The following RSF1 variants were observed in gnomAD, a reference collection of about 807,000 sequenced individuals.
The protein encoded by RSF1 is remodeling and spacing factor 1, also known as HBV pX-associated protein 8.
A neutral mutation model predicts 145.2 loss-of-function variants in RSF1; 13 were observed. The observed-to-expected ratio is 0.09, with a 90% CI of 0.06 to 0.14. RSF1 has a LOEUF of 0.14. Ranked by LOEUF, RSF1 falls within the 10% of genes least tolerant of loss-of-function variation. The probability of loss-of-function intolerance (pLI) is 1.00; values close to 1 mark genes in which losing one functional copy is unlikely to be tolerated. For missense variants in RSF1, 1,517 were observed against 1,718.2 expected, an observed-to-expected ratio of 0.88 and a Z score of 2.07; for synonymous variants, 577 against 592.6, an observed-to-expected ratio of 0.97 and a Z score of 0.38.
chr11:77,732,104 C>G (rs1961220783), intron 4 of RSF1, among the ~76,000 whole-genome samples: 1 of 152,146 alleles, frequency 6.6e-6, no homozygotes, highest in African/African-American at 2.4e-5. Flanking sequence ...TACAGGGGCG[C>G]AGCTGCCCAA....
intron 4 of RSF1, among the ~76,000 whole-genome samples, chr11:77,732,180 T>G (rs1277607483): frequency 6.6e-6 from 1 of 152,238 alleles, no homozygotes; most frequent in Admixed American, 6.5e-5. Flanking sequence ...GAGATGATTT[T>G]GGGGCTTTAA....
At chr11:77,680,025 A>T (rs1016043043) in intron 11 of RSF1, among the ~76,000 whole-genome samples, 3 of 152,242 alleles carry the variant, frequency 2.0e-5, no homozygotes, top group Non-Finnish European at 4.4e-5. Context: ...CAAGTATTCA[A>T]TAGTCACATA....
chr11:77,743,885 T>C (rs1197224332), intron 3 of RSF1, among the ~76,000 whole-genome samples: 1 of 152,218 alleles, frequency 6.6e-6, no homozygotes, highest in Non-Finnish European at 1.5e-5. Context: ...ATACATATTC[T>C]TTTCACACCT....
In RSF1 at chr11:77,662,174, C is replaced by T. The variant is rs998545792; in HGVS notation, c.*4743G>A. ...AATTTCTACTCATCTATTGTTATGC[C>T]CTCTTATATAACTTATGTATAGGAT... On this transcript the variant is annotated 3_prime_UTR_variant, in exon 16 of 16. Coordinates refer to ENST00000308488, the MANE Select transcript of RSF1 (RefSeq NM_016578.4). 6.6e-6 allele frequency: 1 copy of T among 151,744 alleles called. No individual in the cohort carries two copies. The highest frequency in any genetic ancestry group is 6.6e-5 in the Admixed American group (1 of 15,218). The allele number at this position is 151,744 out of a possible 1,614,324, so 9.4% of individuals were successfully genotyped here. A position where few individuals can be genotyped will look rare whatever the true frequency, so the allele number is the denominator to read the frequency against.
intron 2 of RSF1, among the ~76,000 whole-genome samples, chr11:77,749,999 G>C (rs905093554): frequency 6.6e-6 from 1 of 151,960 alleles, no homozygotes; most frequent in Admixed American, 6.6e-5. Flanking sequence ...CGCCTGGCTT[G>C]GCATCCCCAA....
At chr11:77,820,834 C>T (rs1439000241), upstream of RSF1, 8 of 1,065,386 alleles carry the variant, frequency 7.5e-6, no homozygotes, top group African/African-American at 1.1e-4. Flanking sequence ...CTCTGCGGAT[C>T]CCAGCGTCTC....
chr11:77,820,105 G>A (rs1013621616), intron 1 of RSF1, among the ~76,000 whole-genome samples: 7 of 152,198 alleles, frequency 4.6e-5, no homozygotes, highest in Non-Finnish European at 8.8e-5. Flanking sequence ...CTGGTGGGAG[G>A]AGGGGAGGGA....
chr11:77,773,227 CATT>C (rs1018740101), intron 1 of RSF1, among the ~76,000 whole-genome samples: 2 of 152,114 alleles, frequency 1.3e-5, no homozygotes, highest in Non-Finnish European at 2.9e-5. Context: ...TAGTGTATTA[CATT>C]ATTTATTTAA....
chr11:77,701,884 C>T lies in RSF1; in HGVS notation c.1345G>A (p.Glu449Lys), dbSNP rs1324466705. 12 of 1,614,016 alleles carry T rather than the reference C, an allele frequency of 7.4e-6. No individual in the cohort carries two copies. The highest frequency in any genetic ancestry group is 1.0e-5 in the Non-Finnish European group (12 of 1,179,956). ...GTCTTAAAATTTGGAGCTACCCTTT[C>T]ATCACTAACTTCTCCATTTACCAGC... ...KQLVNGEVSD[E>K]RVAPNFKTEP... The change falls in exon 6 of 16, where the codon GAA becomes AAA. Residue 449 changes from glutamate to lysine, a missense_variant. Glu to Lys is a moderately conservative substitution (Grantham distance 56). Coordinates refer to ENST00000308488, the MANE Select transcript of RSF1 (RefSeq NM_016578.4).
chr11:77,767,917 T>C lies in RSF1; in HGVS notation c.188-3228A>G, dbSNP rs529970800. 2.6e-5 allele frequency among the ~76,000 whole-genome samples: 4 copies of C among 152,322 alleles called. No individual in the cohort carries two copies. The East Asian group carries it at 5.8e-4, about 22-fold the overall frequency. The stretch of plus-strand genomic sequence containing the variant: ...CAAAAATAAAAGTGAATAAATGTTT[T>C]CATCCCACTTTACAAATCTACTCAT... On this transcript the variant is annotated intron_variant, in intron 1 of 15. Coordinates refer to ENST00000308488, the MANE Select transcript of RSF1 (RefSeq NM_016578.4).
intron 8 of RSF1, among the ~76,000 whole-genome samples, chr11:77,693,109 T>A (rs867642966): frequency 2.6e-4 from 39 of 152,320 alleles, no homozygotes; most frequent in African/African-American, 8.2e-4. Context: ...AAAGAGAATC[T>A]ATGTTTCTCC....
chr11:77,670,272 A>G (rs1959486444), intron 15 of RSF1, among the ~76,000 whole-genome samples: 1 of 152,322 alleles, frequency 6.6e-6, no homozygotes, highest in East Asian at 1.9e-4. Flanking sequence ...TTTGCTGAAC[A>G]TGACAAGCAC....
At chr11:77,773,893 C>A (rs1948313238) in intron 1 of RSF1, among the ~76,000 whole-genome samples, 1 of 152,068 alleles carries the variant, frequency 6.6e-6, no homozygotes, top group Admixed American at 6.6e-5. Flanking sequence ...TAAGAGAAAA[C>A]AATTGCTTAG....
At chr11:77,822,247 C>G (rs1229401455), upstream of RSF1, among the ~76,000 whole-genome samples, 4 of 151,724 alleles carry the variant, frequency 2.6e-5, no homozygotes, top group Admixed American at 6.6e-5. Context: ...CCAGACCAGC[C>G]TGGGCAACAT....
intron 1 of RSF1, among the ~76,000 whole-genome samples, chr11:77,784,490 T>C (rs1056389189): frequency 2.0e-5 from 3 of 152,098 alleles, no homozygotes; most frequent in African/African-American, 4.8e-5. Flanking sequence ...GGTTCATTTT[T>C]CTCCTGGTTA....
In RSF1 at chr11:77,817,804, A is replaced by T. The variant is rs193178362; in HGVS notation, c.187+2724T>A. Among the ~76,000 whole-genome samples, 10 of 152,318 alleles carry T rather than the reference A, an allele frequency of 6.6e-5. No homozygotes were observed. In the East Asian group the frequency reaches 1.9e-3, roughly 29 times the overall value. ...CTCTTGTACACTACAACTCTTTCCC[A>T]AAAAGACTCAGTTCAAATCTTGTTG... On this transcript the variant is annotated intron_variant, in intron 1 of 15. Coordinates refer to ENST00000308488, the MANE Select transcript of RSF1 (RefSeq NM_016578.4).
At chr11:77,711,790 T>G (rs79347789) in intron 5 of RSF1, among the ~76,000 whole-genome samples, 18,049 of 152,242 alleles carry the variant, frequency 0.12, 1,474 homozygotes, top group Non-Finnish European at 0.17. Context: ...GGTAAAATAC[T>G]ATTAAACAGA....
intron 5 of RSF1, among the ~76,000 whole-genome samples, chr11:77,712,581 C>T (rs1183267206): frequency 6.6e-6 from 1 of 152,186 alleles, no homozygotes; most frequent in East Asian, 1.9e-4. Context: ...TGAAATTATG[C>T]TAATATCCTG....
At chr11:77,838,807 G>A in the RSF1 span, among the ~76,000 whole-genome samples, 6 of 151,882 alleles carry the variant, frequency 4.0e-5, no homozygotes, top group South Asian at 4.2e-4. Context: ...TAGTAGAGAC[G>A]GAGTTTCACC....
Sources: allele counts gnomAD v4.1 joint callset (sites outside exome capture counted in the v4.1 genomes callset), GRCh38; gene constraint gnomAD v4.1.1; transcripts MANE v1.5; gene names NCBI Gene and HGNC (gene_info 2026-07-23, HGNC 2026-07-21).